Variants in SAMD13 observed in about 807,000 individuals in gnomAD.
The protein encoded by SAMD13 is sterile alpha motif domain-containing protein 13.
Under a neutral mutation model 12.4 loss-of-function variants are expected in SAMD13, and 9 were observed. The observed-to-expected ratio is 0.72, with a 90% CI of 0.44 to 1.26. The LOEUF (loss-of-function observed/expected upper bound fraction) is 1.26. Ranked by LOEUF, SAMD13 falls within the 50% of genes most tolerant of loss-of-function variation. The probability of loss-of-function intolerance (pLI) is 0.00; values close to 1 mark genes in which losing one functional copy is unlikely to be tolerated. For missense variants in SAMD13, 84 were observed against 119.6 expected (o/e 0.70, Z 1.39); for synonymous variants, 46 against 45.4 (o/e 1.01, Z -0.05).
At chr1:84,310,442 G>A (rs911935579) in intron 2 of SAMD13, among the ~76,000 whole-genome samples, 9 of 152,084 alleles carry the variant, frequency 5.9e-5, no homozygotes, top group Admixed American at 3.9e-4. Flanking sequence ...GGGCTGCATG[G>A]AACCCGTGAG....
chr1:84,322,065 A>G (rs1678957991), intron 2 of SAMD13, among the ~76,000 whole-genome samples: 1 of 152,174 alleles, frequency 6.6e-6, no homozygotes. Context: ...TGTTCTAGGC[A>G]GGCGGAACTA....
rs775309751 is a variant in SAMD13 at position 84,325,620 on chromosome 1, G to A, written c.54-17G>A. 6.7e-7 allele frequency: 1 copy of A among 1,490,672 alleles called. No homozygotes were observed. Among genetic ancestry groups the A allele is most frequent in the East Asian group, 2.3e-5 (1 of 44,318 alleles). The allele number at this position is 1,490,672 out of a possible 1,614,324, so 92.3% of individuals were successfully genotyped here. A position where few individuals can be genotyped will look rare whatever the true frequency, so the allele number is the denominator to read the frequency against. ...GCAGGCACTGCCATGACAACTGTCTGGATTTGTGTTTTGCAGTTCCATGGA... is the reference window on the plus strand; with the variant it reads ...GCAGGCACTGCCATGACAACTGTCTAGATTTGTGTTTTGCAGTTCCATGGA... On this transcript the variant is annotated splice_polypyrimidine_tract_variant and intron_variant, in intron 2 of 3. Coordinates refer to ENST00000394834, the MANE Select transcript of SAMD13 (RefSeq NM_001134663.2).
intron 2 of SAMD13, among the ~76,000 whole-genome samples, chr1:84,305,857 A>G (rs895689684): frequency 6.6e-6 from 1 of 152,102 alleles, no homozygotes; most frequent in Non-Finnish European, 1.5e-5. Flanking sequence ...ATCTTTTTGC[A>G]TATATTTATG....
At chr1:84,298,627 G>C, upstream of SAMD13, 2 of 1,261,624 alleles carry the variant, frequency 1.6e-6, no homozygotes, top group Non-Finnish European at 2.0e-6. Context: ...CCTCTCTCCA[G>C]GATGAAAGGA....
intron 1 of SAMD13, 184 bp from the exon 2 acceptor site, chr1:84,303,019 C>T (rs549400496): frequency 5.9e-6 from 3 of 504,876 alleles, no homozygotes; most frequent in Non-Finnish European, 1.1e-5. Context: ...CACCCCAATC[C>T]GTCTCCTCCA....
intron 3 of SAMD13, among the ~76,000 whole-genome samples, chr1:84,326,751 C>T (rs1679069801): frequency 1.3e-5 from 2 of 152,174 alleles, no homozygotes; most frequent in Admixed American, 6.5e-5. Flanking sequence ...CATATCCCTT[C>T]AGCCATTGTT....
intron 2 of SAMD13, among the ~76,000 whole-genome samples, chr1:84,313,073 C>G (rs888729364): frequency 2.0e-5 from 3 of 152,096 alleles, no homozygotes; most frequent in South Asian, 2.1e-4. Flanking sequence ...ACCTAAATAA[C>G]TAAGATGGAG....
At chr1:84,300,921 T>C (rs1678442806), upstream of SAMD13, among the ~76,000 whole-genome samples, 1 of 152,206 alleles carries the variant, frequency 6.6e-6, no homozygotes, top group African/African-American at 2.4e-5. Flanking sequence ...TACTCATAGA[T>C]TGTAAGTGTT....
At position 84,325,631 on chromosome 1, in the gene SAMD13, T is replaced by C; in HGVS notation, c.54-6T>C. The C allele has an allele frequency of 6.4e-7, 1 of 1,572,314 alleles. No homozygotes were observed. The highest frequency in any genetic ancestry group is 1.7e-4 in the Middle Eastern group (1 of 5,800). On this transcript the variant is annotated splice_polypyrimidine_tract_variant and splice_region_variant and intron_variant, in intron 2 of 3. Transcript: ENST00000394834. ...CATGACAACTGTCTGGATTTGTGTT[T>C]TGCAGTTCCATGGAAAATGGGAGAC...
chr1:84,299,495 TAC>T (rs878887700), upstream of SAMD13: 41 of 693,918 alleles, frequency 5.9e-5, no homozygotes, highest in African/African-American at 3.0e-4. Context: ...ACACACCACA[TAC>T]ACACACACCC....
At chr1:84,316,752 TATC>T (rs1678844158) in intron 2 of SAMD13, among the ~76,000 whole-genome samples, 1 of 152,114 alleles carries the variant, frequency 6.6e-6, no homozygotes, top group Non-Finnish European at 1.5e-5. Context: ...TCTATAAAAA[TATC>T]ATTAGGATTT....
At chr1:84,316,841 T>C (rs1678845768) in intron 2 of SAMD13, among the ~76,000 whole-genome samples, 1 of 152,130 alleles carries the variant, frequency 6.6e-6, no homozygotes, top group Non-Finnish European at 1.5e-5. Context: ...CTTCCATCCA[T>C]GAACTTGAGA....
chr1:84,335,127 A>T (rs185424099), intron 3 of SAMD13, among the ~76,000 whole-genome samples: 1 of 152,242 alleles, frequency 6.6e-6, no homozygotes, highest in East Asian at 1.9e-4. Context: ...TGGTCTGTCT[A>T]AACTGGTAGT....
At chr1:84,335,655 T>G (rs1052121212) in intron 3 of SAMD13, among the ~76,000 whole-genome samples, 5 of 152,224 alleles carry the variant, frequency 3.3e-5, no homozygotes, top group African/African-American at 1.2e-4. Context: ...GTCTATGTAC[T>G]TAAGTGTGTT....
At chr1:84,314,005 G>T (rs985573950) in intron 2 of SAMD13, among the ~76,000 whole-genome samples, 2 of 151,976 alleles carry the variant, frequency 1.3e-5, no homozygotes, top group Non-Finnish European at 1.5e-5. Context: ...TACTATTTTT[G>T]CTCATGTGAA....
intron 2 of SAMD13, among the ~76,000 whole-genome samples, chr1:84,321,621 A>T (rs1678946931): frequency 6.6e-6 from 1 of 152,216 alleles, no homozygotes. Context: ...ATAAGAAAAG[A>T]TGTGGCGAGA....
chr1:84,341,737 A>G (rs992300336), intron 3 of SAMD13, among the ~76,000 whole-genome samples: 2 of 152,122 alleles, frequency 1.3e-5, no homozygotes, highest in African/African-American at 4.8e-5. Context: ...GGGTTTAATG[A>G]GAATGAGGAG....
At chr1:84,324,223 T>A (rs1679009358) in intron 2 of SAMD13, among the ~76,000 whole-genome samples, 1 of 152,194 alleles carries the variant, frequency 6.6e-6, no homozygotes, top group South Asian at 2.1e-4. Context: ...AAAATGTGAA[T>A]CTGATCAGGT....
At chr1:84,304,701 T>C (rs1678528504) in intron 2 of SAMD13, among the ~76,000 whole-genome samples, 4 of 152,078 alleles carry the variant, frequency 2.6e-5, no homozygotes, top group Middle Eastern at 3.2e-3. Context: ...ACCACTGTTA[T>C]GCTGTCATTA....
Sources: allele counts gnomAD v4.1 joint callset (sites outside exome capture counted in the v4.1 genomes callset), GRCh38; gene constraint gnomAD v4.1.1; transcripts MANE v1.5; gene names NCBI Gene and HGNC (gene_info 2026-07-23, HGNC 2026-07-21).